The following XKR4 variants were observed in gnomAD, a reference collection of about 807,000 sequenced individuals.
XKR4 encodes XK related 4.
Under a neutral mutation model 53.9 loss-of-function variants are expected in XKR4, and 12 were observed. The ratio of observed to expected loss-of-function variants is 0.22; its 90% confidence interval spans 0.14 to 0.36. The LOEUF (loss-of-function observed/expected upper bound fraction) is 0.36, where lower values mean the gene tolerates loss of function less well. Among genes scored for constraint, XKR4 ranks in the 10% least tolerant of loss-of-function variants. XKR4 has a pLI of 1.00. For missense variants in XKR4, 799 were observed against 859.5 expected, an observed-to-expected ratio of 0.93 and a Z score of 0.88; for synonymous variants, 354 against 362.4, an observed-to-expected ratio of 0.98 and a Z score of 0.26.
At chr8:55,343,556 C>A (rs1160443644) in intron 1 of XKR4, among the ~76,000 whole-genome samples, 1 of 152,132 alleles carries the variant, frequency 6.6e-6, no homozygotes, top group Non-Finnish European at 1.5e-5. Context: ...CCAAACCTGC[C>A]AATGTACGCT....
intron 2 of XKR4, chr8:55,453,697 G>A: frequency 2.5e-6 from 1 of 397,300 alleles, no homozygotes; most frequent in Non-Finnish European, 4.9e-6. Flanking sequence ...TCAGGTGGCT[G>A]CTGTCACCCG....
At chr8:55,236,450 T>C (rs571024053) in intron 1 of XKR4, among the ~76,000 whole-genome samples, 21 of 152,266 alleles carry the variant, frequency 1.4e-4, no homozygotes, top group African/African-American at 5.1e-4. Context: ...CCTTTCCAAA[T>C]GCAGGTGTGA....
chr8:55,500,264 CT>C (rs1806417856), intron 2 of XKR4, among the ~76,000 whole-genome samples: 1 of 151,544 alleles, frequency 6.6e-6, no homozygotes, highest in African/African-American at 2.4e-5. Context: ...TTGAATTCCC[CT>C]TGTTTTCCTG....
intron 2 of XKR4, among the ~76,000 whole-genome samples, chr8:55,496,020 G>A (rs79018073): frequency 0.014 from 2,175 of 152,332 alleles, 45 homozygotes; most frequent in African/African-American, 0.05. Flanking sequence ...AGTCAGCAAT[G>A]TTTGCTTAGA....
At chr8:55,199,132 T>C (rs575027609) in intron 1 of XKR4, among the ~76,000 whole-genome samples, 1 of 152,190 alleles carries the variant, frequency 6.6e-6, no homozygotes, top group African/African-American at 2.4e-5. Context: ...CATTGTAAAG[T>C]GGCTCATTAC....
intron 2 of XKR4, among the ~76,000 whole-genome samples, chr8:55,495,484 C>T (rs1283934290): frequency 6.6e-6 from 1 of 152,244 alleles, no homozygotes; most frequent in Non-Finnish European, 1.5e-5. Flanking sequence ...CAGGTTCTTG[C>T]TGTGCCCCTC....
chr8:55,392,459 A>G lies in XKR4; in HGVS notation c.1006+34582A>G, dbSNP rs910180950. On this transcript the variant is annotated intron_variant, in intron 2 of 2. Transcript: ENST00000327381. ...ATTAATTAATTGACTGGAACACATT[A>G]AATATATTTTTTAAAAAGTACATTC... Among the ~76,000 whole-genome samples the G allele has an allele frequency of 1.6e-4, 24 of 152,270 alleles. No homozygotes were observed. The East Asian group carries it at 1.7e-3, about 11-fold the overall frequency.
intron 1 of XKR4, among the ~76,000 whole-genome samples, chr8:55,321,433 C>T (rs1400011862): frequency 2.0e-5 from 3 of 152,098 alleles, no homozygotes; most frequent in Admixed American, 6.6e-5. Context: ...CCATGAACTA[C>T]TTCATCAAAA....
intron 1 of XKR4, among the ~76,000 whole-genome samples, chr8:55,259,161 C>A (rs1179165584): frequency 6.6e-6 from 1 of 152,222 alleles, no homozygotes; most frequent in East Asian, 1.9e-4. Flanking sequence ...CAGATCATAG[C>A]ACCGGCATCC....
At chr8:55,143,977 T>C (rs1396561559) in intron 1 of XKR4, among the ~76,000 whole-genome samples, 1 of 152,206 alleles carries the variant, frequency 6.6e-6, no homozygotes, top group African/African-American at 2.4e-5. Flanking sequence ...TTACAACAAC[T>C]TGGCCCCTTT....
chr8:55,434,589 A>G (rs555649893), intron 2 of XKR4, among the ~76,000 whole-genome samples: 2 of 152,308 alleles, frequency 1.3e-5, no homozygotes, highest in South Asian at 2.1e-4. Context: ...TGCACAGAAT[A>G]AACAGTCCTG....
chr8:55,146,580 A>T (rs1157792488), intron 1 of XKR4, among the ~76,000 whole-genome samples: 1 of 152,234 alleles, frequency 6.6e-6, no homozygotes, highest in East Asian at 1.9e-4. Flanking sequence ...TTTTAATTTT[A>T]ACTCACTTAA....
At chr8:55,467,559 T>G (rs766471717) in intron 2 of XKR4, among the ~76,000 whole-genome samples, 1 of 152,106 alleles carries the variant, frequency 6.6e-6, no homozygotes, top group South Asian at 2.1e-4. Context: ...TTTGCAAATT[T>G]ATTAAGATTT....
chr8:55,268,519 G>A (rs930130983), intron 1 of XKR4, among the ~76,000 whole-genome samples: 1 of 152,004 alleles, frequency 6.6e-6, no homozygotes, highest in Admixed American at 6.6e-5. Context: ...TACATAATTA[G>A]GTTTTTAAAA....
At chr8:55,453,546 T>C in intron 2 of XKR4, 1 of 378,268 alleles carries the variant, frequency 2.6e-6, no homozygotes, top group Admixed American at 3.7e-5. Context: ...AGTAGGGCAG[T>C]CATGCGGGGC....
chr8:55,321,878 A>G (rs1803221511), intron 1 of XKR4, among the ~76,000 whole-genome samples: 2 of 152,176 alleles, frequency 1.3e-5, no homozygotes, highest in Non-Finnish European at 2.9e-5. Context: ...AGTCCCAGCT[A>G]CTTGAGAGGC....
intron 2 of XKR4, among the ~76,000 whole-genome samples, chr8:55,499,581 T>C (rs2129403270): frequency 6.6e-6 from 1 of 152,318 alleles, no homozygotes; most frequent in African/African-American, 2.4e-5. Context: ...AGAGAACTTG[T>C]TCTCCTCACA....
Position 55,540,406 on chromosome 8 carries a change from G to A in XKR4, c.*16179G>A, listed in dbSNP as rs745744366. 1 of 152,118 alleles carries A rather than the reference G, an allele frequency of 6.6e-6. No individual in the cohort carries two copies. Among genetic ancestry groups the A allele is most frequent in the Non-Finnish European group, 1.5e-5 (1 of 68,010 alleles). The allele number at this position is 152,118 out of a possible 1,614,324, so 9.4% of individuals were successfully genotyped here. A position where few individuals can be genotyped will look rare whatever the true frequency, so the allele number is the denominator to read the frequency against. ...ACAAAATTCCTTTTATATCTAGATG[G>A]TATCAAATAAGAAAAAAATGCATCA... On this transcript the variant is annotated 3_prime_UTR_variant, in exon 3 of 3. Transcript: ENST00000327381.
chr8:55,123,839 A>G (rs1816425770), intron 1 of XKR4, among the ~76,000 whole-genome samples: 1 of 152,210 alleles, frequency 6.6e-6, no homozygotes, highest in Non-Finnish European at 1.5e-5. Flanking sequence ...CTGAGAGCAA[A>G]CAAGTGATGA....
Sources: allele counts gnomAD v4.1 joint callset (sites outside exome capture counted in the v4.1 genomes callset), GRCh38; gene constraint gnomAD v4.1.1; transcripts MANE v1.5; gene names NCBI Gene and HGNC (gene_info 2026-07-23, HGNC 2026-07-21).